The following TUBB4A variants were observed in gnomAD, a reference collection of about 807,000 sequenced individuals.
TUBB4A encodes the protein tubulin beta-4A chain.
TUBB4A carries 13 observed loss-of-function variants against 35.1 expected under a neutral mutation model. The observed-to-expected ratio is 0.37, with a 90% CI of 0.24 to 0.59. TUBB4A has a LOEUF of 0.59. TUBB4A is among the 20% of genes least tolerant of loss of function. The pLI is 0.71. For synonymous variants in TUBB4A, 279 were observed against 272.4 expected (o/e 1.02, Z -0.24); for missense variants, 299 against 647.2 (o/e 0.46, Z 5.84).
chr19:6,501,889 C>A lies in TUBB4A; in HGVS notation c.58-266G>T, dbSNP rs1331569274. 3 of 584,750 alleles carry A rather than the reference C, an allele frequency of 5.1e-6. No homozygotes were observed. The highest frequency in any genetic ancestry group is 9.0e-6 in the Non-Finnish European group (3 of 331,682). The allele number at this position is 584,750 out of a possible 1,614,324, so 36.2% of individuals were successfully genotyped here. ...GGGGGAGGCACCGGGGCTCTTTGTG[C>A]GTGAGGAGGGGACAGTGGCCCAGCT... On this transcript the variant is annotated intron_variant, in intron 1 of 3. Transcript: ENST00000264071. This position sits in a 1 kb window ranked among gnomAD's most constrained non-coding sequence, Gnocchi z 4.2.
Position 6,498,210 on chromosome 19 carries a change from C to CAAA in TUBB4A, c.278-1992_278-1990dup, listed in dbSNP as rs33975406. On this transcript the variant is annotated intron_variant, in intron 3 of 3. Coordinates refer to ENST00000264071, the MANE Select transcript of TUBB4A (RefSeq NM_006087.4). ...TGGGCGACAGAGTGAGACTTTGTCT[C>CAAA]AAAAAAAAAAAAAATGGAATAAAAA... Among the ~76,000 whole-genome samples the CAAA allele has an allele frequency of 2.9e-3, 400 of 139,326 alleles. 3 individuals are homozygous for CAAA. The highest frequency in any genetic ancestry group is 9.8e-3 in the African/African-American group (366 of 37,332). The allele number at this position is 139,326 out of a possible 152,430, so 91.4% of individuals were successfully genotyped here. A position where few individuals can be genotyped will look rare whatever the true frequency, so the allele number is the denominator to read the frequency against.
In TUBB4A at chr19:6,496,063, C is replaced by T. The variant is rs796738621; in HGVS notation, c.436G>A (p.Gly146Arg). Residue 146 changes from glycine (G) to arginine (R), a missense_variant, in exon 4 of 4, where the codon GGA becomes AGA. Physicochemically the swap from Gly to Arg is moderately radical, Grantham distance 125 (BLOSUM62 -2). Coordinates refer to ENST00000264071, the MANE Select transcript of TUBB4A (RefSeq NM_006087.4). ...THSLGGGTGSGMGTLLISKIR... is the reference protein window; with the variant it reads ...THSLGGGTGSRMGTLLISKIR... ...TTACTGATGAGCAGCGTGCCCATTC[C>T]GGACCCCGTGCCACCCCCCAGCGAG... The T allele has an allele frequency of 1.9e-6, 3 of 1,614,198 alleles. No individual in the cohort carries two copies. Among genetic ancestry groups the T allele is most frequent in the Non-Finnish European group, 2.5e-6 (3 of 1,180,036 alleles).
chr19:6,496,104 C>T lies in TUBB4A; in HGVS notation c.395G>A (p.Gly132Asp). The T allele has an allele frequency of 6.2e-7, 1 of 1,614,188 alleles. No individual in the cohort carries two copies. The highest frequency in any genetic ancestry group is 8.5e-7 in the Non-Finnish European group (1 of 1,180,030). ...CCCCAGCGAGTGGGTCAGCTGGAAG[C>T]CCTGAAGGCAGTCGCAGCTCTCGGC... ...KEAESCDCLQGFQLTHSLGGG... is the reference protein window; with the variant it reads ...KEAESCDCLQDFQLTHSLGGG... Residue 132 changes from glycine to aspartate, a missense_variant, in exon 4 of 4, where the codon GGC (glycine) becomes GAC (aspartate). Gly to Asp is a moderately conservative substitution (Grantham distance 94). Around this residue, in one of 5 missense-constraint regions of TUBB4A, gnomAD observed 123 missense variants for 226.0 expected, o/e 0.54. Coordinates refer to ENST00000264071, the MANE Select transcript of TUBB4A (RefSeq NM_006087.4).
chr19:6,497,086 G>A (rs1299480158), intron 3 of TUBB4A, among the ~76,000 whole-genome samples: 2 of 114,186 alleles, frequency 1.8e-5, no homozygotes, highest in Non-Finnish European at 3.4e-5. Context: ...TCATGGTGGT[G>A]GCACACCTGT....
chr19:6,501,926 T>C lies in TUBB4A; in HGVS notation c.57+230A>G. The C allele has an allele frequency of 1.7e-6, 1 of 587,516 alleles. No individual in the cohort carries two copies. Among genetic ancestry groups the C allele is most frequent in the Non-Finnish European group, 3.0e-6 (1 of 336,402 alleles). The allele number at this position is 587,516 out of a possible 1,614,324, so 36.4% of individuals were successfully genotyped here. A position where few individuals can be genotyped will look rare whatever the true frequency, so the allele number is the denominator to read the frequency against. On this transcript the variant is annotated intron_variant, in intron 1 of 3. Coordinates refer to ENST00000264071, the MANE Select transcript of TUBB4A (RefSeq NM_006087.4). This position sits in a 1 kb window ranked among gnomAD's most constrained non-coding sequence, Gnocchi z 4.2. The stretch of plus-strand genomic sequence containing the variant: ...ACAGTGGCCCAGCTGTGGGCCCAGC[T>C]GTGACAGGCGGACAGAAGGCTGGCT...
rs1914510804 is a variant in TUBB4A at position 6,501,166 on chromosome 19, G to C, written c.277+121C>G. ...CATCACAGCCCTGGATGCAGGGCTG[G>C]TGCCTGGTGCCCTGTCCACCCCATC... is the stretch of plus-strand genomic sequence containing the variant. On this transcript the variant is annotated intron_variant, in intron 3 of 3. Transcript: ENST00000264071. This position sits in a 1 kb window ranked among gnomAD's most constrained non-coding sequence, Gnocchi z 4.2. 4.0e-6 allele frequency: 3 copies of C among 744,564 alleles called. No homozygotes were observed. Among genetic ancestry groups the C allele is most frequent in the Admixed American group, 5.3e-5 (2 of 37,386 alleles). 46.1% of individuals were successfully genotyped at this position (744,564 alleles called of 1,614,324 possible).
chr19:6,497,400 T>C (rs1914299808), intron 3 of TUBB4A, among the ~76,000 whole-genome samples: 2 of 151,562 alleles, frequency 1.3e-5, no homozygotes, highest in Admixed American at 1.3e-4. Context: ...TAGCTGGGAC[T>C]ACAGGCTTAT....
rs1411486414 is a variant in TUBB4A at position 6,495,331 on chromosome 19, G to A, written c.1168C>T (p.Arg390Trp). 6.2e-7 allele frequency: 1 copy of A among 1,613,620 alleles called. No homozygotes were observed. Among genetic ancestry groups the A allele is most frequent in the Non-Finnish European group, 8.5e-7 (1 of 1,179,936 alleles). ...TACCAGTGCAAGAAGGCCTTGCGCC[G>A]GAACATGGCCGTGAACTGCTCGGAG... ...RISEQFTAMF[R>W]RKAFLHWYTG... Residue 390 changes from arginine to tryptophan, a missense_variant, in exon 4 of 4, where the codon CGG becomes TGG. Physicochemically the swap from Arg to Trp is moderately radical, Grantham distance 101 (BLOSUM62 -3). Coordinates refer to ENST00000264071, the MANE Select transcript of TUBB4A (RefSeq NM_006087.4). The surrounding 1 kb of genome is among the most constrained non-coding windows in gnomAD (Gnocchi z 8.7).
At chr19:6,502,726 A>T (rs1310542673), upstream of TUBB4A, 1 of 152,500 alleles carries the variant, frequency 6.6e-6, no homozygotes, top group Non-Finnish European at 1.5e-5. Context: ...TTTAGACCTC[A>T]TTCGCCAGAA....
At position 6,495,941 on chromosome 19, in the gene TUBB4A, C is replaced by T. The variant is rs750042422; in HGVS notation, c.558G>A (p.Thr186=). Reference sequence around the variant, plus strand: ...TCTCCACCAGCTGGTGCACAGACAGCGTGGCGTTGTAGGGCTCCACCACCG... The same window carrying T: ...TCTCCACCAGCTGGTGCACAGACAGTGTGGCGTTGTAGGGCTCCACCACCG... ...SDTVVEPYNA[T]LSVHQLVENT... Residue 186 remains threonine, a synonymous_variant, in exon 4 of 4, where the codon ACG becomes ACA. Coordinates refer to ENST00000264071, the MANE Select transcript of TUBB4A (RefSeq NM_006087.4). This position sits in a 1 kb window ranked among gnomAD's most constrained non-coding sequence, Gnocchi z 8.7. The T allele has an allele frequency of 2.0e-5, 33 of 1,614,060 alleles. No individual in the cohort carries two copies. The highest frequency in any genetic ancestry group is 4.0e-5 in the African/African-American group (3 of 74,912).
rs141872425 is a variant in TUBB4A, at chr19:6,501,012, G to A, written c.277+275C>T. ...ATGCATGAAGTGGCAGAATTGGGAT[G>A]TGCACCCAGGCAGTCTGGTTCCGGT... On this transcript the variant is annotated intron_variant, in intron 3 of 3. Transcript: ENST00000264071. The surrounding 1 kb of genome is among the most constrained non-coding windows in gnomAD (Gnocchi z 4.2). The A allele has an allele frequency of 4.6e-4, 200 of 437,180 alleles. 1 individual carries two copies. The East Asian group carries it at 7.4e-3, about 16-fold the overall frequency. 27.1% of individuals were successfully genotyped at this position (437,180 alleles called of 1,614,324 possible).
rs553307734 is a variant in TUBB4A at position 6,495,227 on chromosome 19, C to T, written c.1272G>A (p.Gln424=). The T allele has an allele frequency of 1.2e-6, 2 of 1,613,920 alleles. No individual in the cohort carries two copies. Among genetic ancestry groups the T allele is most frequent in the Admixed American group, 3.3e-5 (2 of 60,012 alleles). The part of the protein sequence containing the change: ...NMNDLVSEYQ[Q]YQDATAEEGE... ...CCTCCTCGGCCGTGGCGTCCTGGTACTGCTGGTACTCAGATACCAGGTCAT... is the reference window on the plus strand; with the variant it reads ...CCTCCTCGGCCGTGGCGTCCTGGTATTGCTGGTACTCAGATACCAGGTCAT... The change falls in exon 4 of 4, where the codon CAG becomes CAA. Residue 424 remains glutamine, a synonymous_variant. Transcript: ENST00000264071. The surrounding 1 kb of genome is among the most constrained non-coding windows in gnomAD (Gnocchi z 8.7).
At position 6,496,010 on chromosome 19, in the gene TUBB4A, G is replaced by C; in HGVS notation, c.489C>G (p.Ile163Met). 1 of 1,614,206 alleles carries C rather than the reference G, an allele frequency of 6.2e-7. No homozygotes were observed. Among genetic ancestry groups the C allele is most frequent in the South Asian group, 1.1e-5 (1 of 91,084 alleles). ...SKIREEFPDRIMNTFSVVPSP... is the reference protein window; with the variant it reads ...SKIREEFPDRMMNTFSVVPSP... ...AGGGCACCACGCTGAAGGTGTTCAT[G>C]ATGCGGTCTGGGAACTCCTCGCGGA... The change falls in exon 4 of 4, where the codon ATC becomes ATG. Residue 163 changes from isoleucine (I) to methionine (M), a missense_variant. Physicochemically the swap from Ile to Met is conservative, Grantham distance 10. Coordinates refer to ENST00000264071, the MANE Select transcript of TUBB4A (RefSeq NM_006087.4).
chr19:6,496,436 T>C lies in TUBB4A; in HGVS notation c.278-215A>G, dbSNP rs1322290937. 6 of 490,298 alleles carry C rather than the reference T, an allele frequency of 1.2e-5. No individual in the cohort carries two copies. In the East Asian group the frequency reaches 2.2e-4, roughly 18 times the overall value. The allele number at this position is 490,298 out of a possible 1,614,324, so 30.4% of individuals were successfully genotyped here. A position where few individuals can be genotyped will look rare whatever the true frequency, so the allele number is the denominator to read the frequency against. On this transcript the variant is annotated intron_variant, in intron 3 of 3. Coordinates refer to ENST00000264071, the MANE Select transcript of TUBB4A (RefSeq NM_006087.4). ...CGAGGTCAGGAGATCGAGACCATCCTGGCTAACACGGTGAAACCCCGTCTC... is the reference window on the plus strand; with the variant it reads ...CGAGGTCAGGAGATCGAGACCATCCCGGCTAACACGGTGAAACCCCGTCTC...
intron 3 of TUBB4A, among the ~76,000 whole-genome samples, chr19:6,500,082 T>C (rs557863957): frequency 2.0e-4 from 30 of 152,182 alleles, no homozygotes; most frequent in African/African-American, 5.5e-4. Flanking sequence ...TGAGCCACCG[T>C]GCCCACCCTG....
In TUBB4A at chr19:6,501,459, A is replaced by G; in HGVS notation, c.166+56T>C. ...CCAGGAACCACAGGCGCCCGGTAGCATCCTGTTCCCTCCCAGCTGCCCCTT... is the reference window on the plus strand; with the variant it reads ...CCAGGAACCACAGGCGCCCGGTAGCGTCCTGTTCCCTCCCAGCTGCCCCTT... On this transcript the variant is annotated intron_variant, in intron 2 of 3. Transcript: ENST00000264071. This position sits in a 1 kb window ranked among gnomAD's most constrained non-coding sequence, Gnocchi z 4.2. 1.2e-6 allele frequency: 2 copies of G among 1,604,162 alleles called. No individual in the cohort carries two copies. Among genetic ancestry groups the G allele is most frequent in the Middle Eastern group, 3.3e-4 (2 of 6,038 alleles).
chr19:6,498,386 T>G (rs944235946), intron 3 of TUBB4A, among the ~76,000 whole-genome samples: 3 of 152,116 alleles, frequency 2.0e-5, no homozygotes, highest in African/African-American at 7.2e-5. Flanking sequence ...TCACCCAGTC[T>G]GTCCTCTCCA....
chr19:6,500,042 C>T (rs553448191), intron 3 of TUBB4A, among the ~76,000 whole-genome samples: 3 of 152,124 alleles, frequency 2.0e-5, no homozygotes, highest in African/African-American at 4.8e-5. Context: ...CCACCCGCCT[C>T]GGCCTCCCAA....
chr19:6,496,470 T>G, intron 3 of TUBB4A: 2 of 359,328 alleles, frequency 5.6e-6, no homozygotes, highest in Non-Finnish European at 1.0e-5. Flanking sequence ...TCTACTAAAA[T>G]TACAAAAAAA....
Sources: allele counts gnomAD v4.1 joint callset (sites outside exome capture counted in the v4.1 genomes callset), GRCh38; gene constraint gnomAD v4.1.1; regional missense constraint gnomAD v4.1.1; non-coding constraint Gnocchi (gnomAD v3.1); transcripts MANE v1.5; gene names NCBI Gene and HGNC (gene_info 2026-07-23, HGNC 2026-07-21).